TLK1: variants seen among roughly 807,000 people sequenced by gnomAD.
The protein encoded by TLK1 is tousled like kinase 1.
In TLK1, 24 loss-of-function variants were observed where a neutral mutation model predicts 105.3. The ratio of observed to expected loss-of-function variants is 0.23; its 90% CI spans 0.17 to 0.32. The LOEUF is 0.32. Ranked by LOEUF, TLK1 falls within the 10% of genes least tolerant of loss-of-function variation. The probability of loss-of-function intolerance (pLI) is 1.00; values close to 1 mark genes in which losing one functional copy is unlikely to be tolerated. For missense variants in TLK1, 558 were observed against 910.5 expected, an observed-to-expected ratio of 0.61 and a Z score of 4.98; for synonymous variants, 321 against 310.4, an observed-to-expected ratio of 1.03 and a Z score of -0.36.
chr2:171,080,570 A>ATAATAATAATAC (rs1444070781), intron 3 of TLK1, among the ~76,000 whole-genome samples: 2 of 149,738 alleles, frequency 1.3e-5, no homozygotes, highest in East Asian at 3.9e-4. Context: ...AATAATAATA[A>ATAATAATAATAC]TAATGGTAAT....
intron 2 of TLK1, among the ~76,000 whole-genome samples, chr2:171,098,154 A>G (rs893084892): frequency 1.3e-5 from 2 of 152,154 alleles, no homozygotes; most frequent in South Asian, 2.1e-4. Context: ...GTTCATCTAC[A>G]CTGAATAAGT....
chr2:171,229,785 A>G (rs949213732), intron 1 of TLK1, among the ~76,000 whole-genome samples: 1 of 152,182 alleles, frequency 6.6e-6, no homozygotes, highest in Non-Finnish European at 1.5e-5. Context: ...ATCAATTTTT[A>G]AAAATCGTAC....
chr2:171,194,819 GGAA>G (rs1488280884), intron 1 of TLK1, among the ~76,000 whole-genome samples: 1 of 89,868 alleles, frequency 1.1e-5, no homozygotes, highest in African/African-American at 7.0e-5. Context: ...TCCGTCTCAG[GGAA>G]AAAAAAAAAA....
At chr2:171,154,224 CA>C (rs1692150309) in intron 1 of TLK1, among the ~76,000 whole-genome samples, 1 of 152,076 alleles carries the variant, frequency 6.6e-6, no homozygotes, top group South Asian at 2.1e-4. Context: ...TATAACCTTG[CA>C]AAGGTTATAC....
At chr2:171,007,694 T>C (rs1203731379) in intron 14 of TLK1, among the ~76,000 whole-genome samples, 1 of 152,010 alleles carries the variant, frequency 6.6e-6, no homozygotes, top group Non-Finnish European at 1.5e-5. Context: ...CCAACCAGAG[T>C]ATTATTAAAA....
At chr2:171,156,872 C>T (rs1692258921) in intron 1 of TLK1, among the ~76,000 whole-genome samples, 1 of 152,104 alleles carries the variant, frequency 6.6e-6, no homozygotes. Context: ...ACTCTGTCAC[C>T]CAGGCTGGAA....
chr2:171,074,308 A>G (rs16823191), intron 3 of TLK1, among the ~76,000 whole-genome samples: 19,204 of 152,254 alleles, frequency 0.13, 1,707 homozygotes, highest in African/African-American at 0.24. Flanking sequence ...ACATTGTTGC[A>G]TATCATGCCT....
intron 1 of TLK1, among the ~76,000 whole-genome samples, chr2:171,194,904 A>G (rs1693236699): frequency 6.6e-6 from 1 of 151,996 alleles, no homozygotes; most frequent in Non-Finnish European, 1.5e-5. Flanking sequence ...TAGAAAAAAG[A>G]GGGAGGATTG....
intron 2 of TLK1, among the ~76,000 whole-genome samples, chr2:171,088,632 G>T (rs1043612442): frequency 1.3e-5 from 2 of 152,158 alleles, no homozygotes; most frequent in Non-Finnish European, 2.9e-5. Context: ...TATTTACAAA[G>T]AATCAGGAAT....
At chr2:171,180,217 T>C (rs1176967038) in intron 1 of TLK1, among the ~76,000 whole-genome samples, 2 of 151,728 alleles carry the variant, frequency 1.3e-5, no homozygotes, top group Non-Finnish European at 2.9e-5. Context: ...AGCGAGACTT[T>C]GTCTAAAAAA....
intron 1 of TLK1, among the ~76,000 whole-genome samples, chr2:171,205,047 C>T (rs1461516598): frequency 1.3e-5 from 2 of 151,766 alleles, no homozygotes; most frequent in South Asian, 4.2e-4. Flanking sequence ...ATGCTATATT[C>T]TTTAAATGTA....
At chr2:171,194,616 G>C (rs1183960282) in intron 1 of TLK1, among the ~76,000 whole-genome samples, 1 of 152,042 alleles carries the variant, frequency 6.6e-6, no homozygotes, top group African/African-American at 2.4e-5. Context: ...AGGAGATCGA[G>C]ACCATCCTGG....
At chr2:171,188,289 G>T (rs1693074717) in intron 1 of TLK1, among the ~76,000 whole-genome samples, 1 of 152,208 alleles carries the variant, frequency 6.6e-6, no homozygotes, top group South Asian at 2.1e-4. Context: ...ACCTAAGCAG[G>T]CTGGGCACAG....
rs955755316 is a variant in TLK1 at position 171,146,954 on chromosome 2, T to C, written c.139+13336A>G. Reference sequence around the variant, plus strand: ...CTAAGGGATACCCAGCTCTATAACCTTCTACTACTAATAAATCTGTTTTGC... The same window carrying C: ...CTAAGGGATACCCAGCTCTATAACCCTCTACTACTAATAAATCTGTTTTGC... On this transcript the variant is annotated intron_variant, in intron 1 of 20. Coordinates refer to ENST00000431350, the MANE Select transcript of TLK1 (RefSeq NM_012290.5). Among the ~76,000 whole-genome samples the C allele has an allele frequency of 4.6e-5, 7 of 152,200 alleles. No individual in the cohort carries two copies. The South Asian group carries it at 6.2e-4, about 14-fold the overall frequency.
intron 1 of TLK1, among the ~76,000 whole-genome samples, chr2:171,176,457 C>G (rs1692829337): frequency 6.6e-6 from 1 of 152,174 alleles, no homozygotes; most frequent in African/African-American, 2.4e-5. Flanking sequence ...TTTTTGCCCC[C>G]AAACCTGTTC....
chr2:171,053,599 G>C (rs1687350385), intron 8 of TLK1, 162 bp downstream of exon 8: 1 of 508,588 alleles, frequency 2.0e-6, no homozygotes, highest in South Asian at 2.9e-5. Context: ...TCAACCTTGT[G>C]ATCTGCCCGC....
chr2:171,148,902 T>C (rs1352028505), intron 1 of TLK1, among the ~76,000 whole-genome samples: 1 of 141,468 alleles, frequency 7.1e-6, no homozygotes, highest in African/African-American at 2.7e-5. Context: ...TATATATATA[T>C]ATATATATAT....
chr2:171,170,648 A>G (rs1279346903), intron 1 of TLK1, among the ~76,000 whole-genome samples: 2 of 152,236 alleles, frequency 1.3e-5, no homozygotes, highest in East Asian at 3.8e-4. Context: ...ACAAGGTGAA[A>G]GTGCCCTGGA....
intron 13 of TLK1, among the ~76,000 whole-genome samples, chr2:171,013,034 G>A (rs1286642373): frequency 6.7e-5 from 10 of 150,036 alleles, no homozygotes; most frequent in Non-Finnish European, 1.5e-4. Context: ...TGGAGACAGA[G>A]TCTCACTTTT....
Sources: gnomAD v4.1 joint callset for allele counts (sites outside exome capture counted in the v4.1 genomes callset) on GRCh38, gnomAD v4.1.1 for gene constraint, MANE v1.5 for transcripts, NCBI Gene and HGNC (gene_info 2026-07-23, HGNC 2026-07-21) for gene names.